KCND2: variants seen among roughly 807,000 people sequenced by gnomAD.
KCND2 encodes the protein potassium voltage-gated channel subfamily D member 2.
Under a neutral mutation model 54.4 loss-of-function variants are expected in KCND2, and 16 were observed. The ratio of observed to expected loss-of-function variants is 0.29; its 90% CI spans 0.20 to 0.45. The LOEUF (loss-of-function observed/expected upper bound fraction) is 0.45, where lower values mean the gene tolerates loss of function less well. Among genes scored for constraint, KCND2 ranks in the 20% least tolerant of loss-of-function variants. KCND2 has a pLI of 1.00. For synonymous variants in KCND2, 317 were observed against 310.7 expected, an observed-to-expected ratio of 1.02 and a Z score of -0.21; for missense variants, 486 against 824.2, an observed-to-expected ratio of 0.59 and a Z score of 5.02.
chr7:120,304,112 C>A (rs1450599334), intron 1 of KCND2, among the ~76,000 whole-genome samples: 3 of 152,094 alleles, frequency 2.0e-5, no homozygotes, highest in Non-Finnish European at 4.4e-5. Flanking sequence ...AGGATAAGAT[C>A]TTCAGGGCCA....
At chr7:120,563,912 C>T (rs1792265990) in intron 1 of KCND2, among the ~76,000 whole-genome samples, 1 of 152,142 alleles carries the variant, frequency 6.6e-6, no homozygotes, top group Non-Finnish European at 1.5e-5. Flanking sequence ...TTACTTATCC[C>T]ATCAGAAAAT....
chr7:120,330,984 A>C (rs1383031166), intron 1 of KCND2, among the ~76,000 whole-genome samples: 3 of 152,176 alleles, frequency 2.0e-5, no homozygotes, highest in African/African-American at 7.2e-5. Context: ...AGATTGAAAT[A>C]AAAGAAAATG....
intron 1 of KCND2, among the ~76,000 whole-genome samples, chr7:120,691,024 A>C (rs150418788): frequency 6.2e-4 from 95 of 152,300 alleles, no homozygotes; most frequent in Middle Eastern, 3.4e-3. Context: ...AAAGTAGGGA[A>C]AGAGAAGTCC....
intron 1 of KCND2, among the ~76,000 whole-genome samples, chr7:120,705,475 G>A (rs1444271125): frequency 6.6e-6 from 1 of 152,142 alleles, no homozygotes; most frequent in Admixed American, 6.6e-5. Context: ...GTGACCTTTA[G>A]CAAGTTACTC....
chr7:120,352,562 C>T (rs1412376576), intron 1 of KCND2, among the ~76,000 whole-genome samples: 1 of 151,510 alleles, frequency 6.6e-6, no homozygotes, highest in African/African-American at 2.4e-5. Flanking sequence ...CTTCATAAAG[C>T]CTACTTATGG....
chr7:120,747,376 T>C (rs1009841810), intron 5 of KCND2, among the ~76,000 whole-genome samples: 1 of 152,130 alleles, frequency 6.6e-6, no homozygotes, highest in African/African-American at 2.4e-5. Flanking sequence ...AAAACTTCTT[T>C]GCTCAGCCCA....
chr7:120,649,704 T>A (rs1791701568), intron 1 of KCND2, among the ~76,000 whole-genome samples: 2 of 152,156 alleles, frequency 1.3e-5, no homozygotes, highest in South Asian at 2.1e-4. Flanking sequence ...TTTCTCCCAT[T>A]CTGTAGGGAT....
At chr7:120,323,551 T>C (rs987877976) in intron 1 of KCND2, among the ~76,000 whole-genome samples, 1 of 151,010 alleles carries the variant, frequency 6.6e-6, no homozygotes, top group African/African-American at 2.4e-5. Context: ...ATGTGGTGTT[T>C]GGTTTTTTGT....
At chr7:120,746,077 G>T (rs973809814) in intron 5 of KCND2, 50 bp downstream of exon 5, 3 of 1,600,630 alleles carry the variant, frequency 1.9e-6, no homozygotes, top group African/African-American at 1.3e-5. Context: ...GGTTCCCAGG[G>T]TGTGTCTTCT....
chr7:120,486,597 A>G (rs1802697254), intron 1 of KCND2, among the ~76,000 whole-genome samples: 1 of 152,146 alleles, frequency 6.6e-6, no homozygotes. Flanking sequence ...GTAGATCATC[A>G]AGATGAAAAC....
intron 1 of KCND2, among the ~76,000 whole-genome samples, chr7:120,309,474 T>TATACACACAC (rs1257702636): frequency 4.4e-5 from 5 of 113,278 alleles, no homozygotes; most frequent in African/African-American, 1.7e-4. Context: ...TATATATATA[T>TATACACACAC]ACACACACAC....
At position 120,617,432 on chromosome 7, in the gene KCND2, C is replaced by T. The variant is rs114981168; in HGVS notation, c.1116-115471C>T. Among the ~76,000 whole-genome samples, 1,423 of 152,176 alleles carry T rather than the reference C, an allele frequency of 9.4e-3. 15 individuals are homozygous for T. Among genetic ancestry groups the T allele is most frequent in the African/African-American group, 0.032 (1,310 of 41,518 alleles). ...TCATTAGAGAAATGCAAATCAAAAC[C>T]ACAGTGAGATTCTATTTCACACCAG... On this transcript the variant is annotated intron_variant, in intron 1 of 5. Coordinates refer to ENST00000331113, the MANE Select transcript of KCND2 (RefSeq NM_012281.3).
intron 1 of KCND2, among the ~76,000 whole-genome samples, chr7:120,658,971 GATAAAGTAT>G (rs1290600697): frequency 1.3e-5 from 2 of 152,138 alleles, no homozygotes; most frequent in Admixed American, 1.3e-4. Flanking sequence ...ACCTAGGAGA[GATAAAGTAT>G]ATAAACAAAT....
At chr7:120,470,874 T>G (rs1486552252) in intron 1 of KCND2, among the ~76,000 whole-genome samples, 1 of 152,042 alleles carries the variant, frequency 6.6e-6, no homozygotes, top group Non-Finnish European at 1.5e-5. Flanking sequence ...ACTTATGAAT[T>G]GAATTAATGT....
At chr7:120,508,051 G>C (rs1803054895) in intron 1 of KCND2, among the ~76,000 whole-genome samples, 2 of 151,584 alleles carry the variant, frequency 1.3e-5, no homozygotes, top group Admixed American at 1.3e-4. Flanking sequence ...AATTTCAAAG[G>C]CTTTTTTTTT....
chr7:120,671,847 C>A (rs1366241585), intron 1 of KCND2, among the ~76,000 whole-genome samples: 3 of 152,132 alleles, frequency 2.0e-5, no homozygotes, highest in African/African-American at 7.2e-5. Flanking sequence ...CTCAATTCCA[C>A]TGAAAGTGGG....
chr7:120,709,171 A>T (rs1242616242), intron 1 of KCND2, among the ~76,000 whole-genome samples: 6 of 152,084 alleles, frequency 3.9e-5, no homozygotes, highest in Admixed American at 1.3e-4. Flanking sequence ...TTAAAATATA[A>T]ATCTTTTTTC....
rs1316196787 is a variant in KCND2 at position 120,721,684 on chromosome 7, A to T, written c.1116-11219A>T. Among the ~76,000 whole-genome samples the T allele has an allele frequency of 9.2e-5, 14 of 152,112 alleles. No homozygotes were observed. The East Asian group carries it at 2.7e-3, about 29-fold the overall frequency. The stretch of plus-strand genomic sequence containing the variant: ...ATTTACATGAAGCATCATCACATTA[A>T]ATTATTTATACTTAAAGAACTTTGG... On this transcript the variant is annotated intron_variant, in intron 1 of 5. Coordinates refer to ENST00000331113, the MANE Select transcript of KCND2 (RefSeq NM_012281.3).
intron 1 of KCND2, among the ~76,000 whole-genome samples, chr7:120,425,960 A>G (rs768813755): frequency 6.9e-6 from 1 of 145,738 alleles, no homozygotes; most frequent in African/African-American, 2.6e-5. Context: ...TTTTTTTTTT[A>G]GAACTAGTTA....
Sources: gnomAD v4.1 joint callset for allele counts (sites outside exome capture counted in the v4.1 genomes callset) on GRCh38, gnomAD v4.1.1 for gene constraint, MANE v1.5 for transcripts, NCBI Gene and HGNC (gene_info 2026-07-23, HGNC 2026-07-21) for gene names.